CUL4A: variants seen among roughly 807,000 people sequenced by gnomAD.
The protein encoded by CUL4A is cullin-4A.
A neutral mutation model predicts 95.5 loss-of-function variants in CUL4A; 16 were observed. That is an observed-to-expected ratio of 0.17 (90% CI 0.11 to 0.25). The LOEUF (loss-of-function observed/expected upper bound fraction) is 0.25, where lower values mean the gene tolerates loss of function less well. Ranked by LOEUF, CUL4A falls within the 10% of genes least tolerant of loss-of-function variation. CUL4A has a pLI of 1.00. For missense variants in CUL4A, 610 were observed against 937.0 expected (o/e 0.65, Z 4.56); for synonymous variants, 380 against 353.1 (o/e 1.08, Z -0.85).
chr13:113,208,611 C>T (rs2040142160), upstream of CUL4A: 1 of 1,609,150 alleles, frequency 6.2e-7, no homozygotes, highest in Non-Finnish European at 8.5e-7. Context: ...GCTGCAGGTA[C>T]TGGTTAATGG....
Position 113,261,281 on chromosome 13 carries a change from C to T in CUL4A, c.2184+522C>T, listed in dbSNP as rs2042267673. On this transcript the variant is annotated intron_variant, in intron 19 of 19. Coordinates refer to ENST00000375440, the MANE Select transcript of CUL4A (RefSeq NM_001008895.4). ...GATAAGCCGGGAAAGTATTATGAAACGTTTTTTACATGTATTTATCAACCC... is the reference window on the plus strand; with the variant it reads ...GATAAGCCGGGAAAGTATTATGAAATGTTTTTTACATGTATTTATCAACCC... Among the ~76,000 whole-genome samples, 4 of 152,070 alleles carry T rather than the reference C, an allele frequency of 2.6e-5. No individual in the cohort carries two copies. The South Asian group carries it at 8.3e-4, about 31-fold the overall frequency.
chr13:113,232,201 C>T (rs1321452243), intron 5 of CUL4A, among the ~76,000 whole-genome samples: 3,816 of 6,476 alleles, frequency 0.59, 1,520 homozygotes, highest in Non-Finnish European at 0.79. Context: ...CACCACTACC[C>T]GCCCACCACC....
intron 2 of CUL4A, among the ~76,000 whole-genome samples, chr13:113,212,911 G>A (rs1310311701): frequency 1.3e-5 from 2 of 152,196 alleles, no homozygotes; most frequent in East Asian, 3.8e-4. Context: ...GGAGGAGTGA[G>A]TTGTGAAATC....
intron 3 of CUL4A, among the ~76,000 whole-genome samples, chr13:113,222,446 G>A (rs1382443573): frequency 1.3e-5 from 2 of 152,142 alleles, no homozygotes; most frequent in African/African-American, 4.8e-5. Flanking sequence ...CACGGATTGA[G>A]GCGGGGAGGG....
chr13:113,259,637 C>T (rs1417402550), intron 18 of CUL4A, among the ~76,000 whole-genome samples: 1 of 152,196 alleles, frequency 6.6e-6, no homozygotes, highest in Non-Finnish European at 1.5e-5. Context: ...ACAGTGCTCT[C>T]ACTTATATTC....
intron 7 of CUL4A, 84 bp from the exon 8 acceptor site, chr13:113,234,979 A>G (rs549769241): frequency 2.0e-6 from 2 of 1,000,438 alleles, no homozygotes; most frequent in South Asian, 3.1e-5. Flanking sequence ...AAAAAATTAC[A>G]TGTAAGGAAA....
At chr13:113,248,727 A>G (rs1298451340) in intron 15 of CUL4A, among the ~76,000 whole-genome samples, 1 of 152,130 alleles carries the variant, frequency 6.6e-6, no homozygotes, top group Non-Finnish European at 1.5e-5. Context: ...ACTCTCCCAT[A>G]TACTGTAAAT....
rs112197452 is a variant in CUL4A, at chr13:113,222,546, G to A, written c.368+3498G>A. 2.7e-5 allele frequency among the ~76,000 whole-genome samples: 4 copies of A among 150,524 alleles called. 1 individual carries two copies. The highest frequency in any genetic ancestry group is 9.8e-5 in the African/African-American group (4 of 40,936). On this transcript the variant is annotated intron_variant, in intron 3 of 19. Transcript: ENST00000375440. ...GTCATGTTGATTTGGAAGGAGGTGA[G>A]GAGGCACTCAGGTAGAGATGCCTGT...
intron 15 of CUL4A, among the ~76,000 whole-genome samples, chr13:113,251,685 A>G (rs1262087376): frequency 6.6e-6 from 1 of 152,112 alleles, no homozygotes; most frequent in Non-Finnish European, 1.5e-5. Context: ...TCATGTGAAG[A>G]CGTGCCTGCT....
chr13:113,215,926 C>T (rs28628776), intron 2 of CUL4A, among the ~76,000 whole-genome samples: 3 of 109,300 alleles, frequency 2.7e-5, no homozygotes, highest in Admixed American at 9.5e-5. Context: ...GTGGCTGTGG[C>T]GGTCTCTGTG....
chr13:113,248,417 G>T (rs2139254017), intron 15 of CUL4A, among the ~76,000 whole-genome samples: 1 of 152,160 alleles, frequency 6.6e-6, no homozygotes, highest in East Asian at 1.9e-4. Context: ...TCCCATATGT[G>T]GTCTGTGAGC....
intron 18 of CUL4A, among the ~76,000 whole-genome samples, chr13:113,256,925 C>CCTTTTTTTTTTTTTTT (rs1491171316): frequency 5.4e-5 from 2 of 37,276 alleles, no homozygotes; most frequent in African/African-American, 9.3e-5. Context: ...TTTTTTTTTT[C>CCTTTTTTTTTTTTTTT]GTTTTTTTTT....
At position 113,243,031 on chromosome 13, in the gene CUL4A, G is replaced by A. The variant is rs776240214; in HGVS notation, c.1099G>A (p.Asp367Asn). 2 of 1,614,184 alleles carry A rather than the reference G, an allele frequency of 1.2e-6. No individual in the cohort carries two copies. Among genetic ancestry groups the A allele is most frequent in the South Asian group, 2.2e-5 (2 of 91,082 alleles). Residue 367 changes from aspartate to asparagine, a missense_variant, in exon 11 of 20, where the codon GAC becomes AAC. Asp to Asn is a conservative substitution (Grantham distance 23). Transcript: ENST00000375440. ...CAAAGACATGGTCCAAGACCTGTTG[G>A]ACTTCAAGGACAAGGTGGACCACGT... ...KDKDMVQDLLDFKDKVDHVIE... is the reference protein window; with the variant it reads ...KDKDMVQDLLNFKDKVDHVIE...
intron 19 of CUL4A, 49 bp downstream of exon 19, chr13:113,260,808 T>A: frequency 7.5e-7 from 1 of 1,335,092 alleles, no homozygotes; most frequent in Non-Finnish European, 1.0e-6. Flanking sequence ...GCTAAACAAT[T>A]GACAAAGCAT....
At position 113,236,085 on chromosome 13, in the gene CUL4A, G is replaced by A. The variant is rs559397190; in HGVS notation, c.849-738G>A. On this transcript the variant is annotated intron_variant, in intron 8 of 19. Coordinates refer to ENST00000375440, the MANE Select transcript of CUL4A (RefSeq NM_001008895.4). ...GTAGGACTCAGCAGAGAAAACAGGA[G>A]GAGAGATGAAAATGATATGGTGTGC... 1.9e-4 allele frequency among the ~76,000 whole-genome samples: 29 copies of A among 152,248 alleles called. No individual in the cohort carries two copies. In the East Asian group the frequency reaches 4.1e-3, roughly 21 times the overall value.
chr13:113,248,313 C>T (rs1366626702), intron 15 of CUL4A, among the ~76,000 whole-genome samples: 2 of 152,084 alleles, frequency 1.3e-5, no homozygotes, highest in Admixed American at 1.3e-4. Flanking sequence ...GCCCTTCTTT[C>T]CACCCCCTTT....
Position 113,266,732 on chromosome 13 carries a change from CAG to C in CUL4A, c.*3152_*3153del, listed in dbSNP as rs1231650583. 1 of 152,184 alleles carries C rather than the reference CAG, an allele frequency of 6.6e-6. No individual in the cohort carries two copies. The highest frequency in any genetic ancestry group is 1.5e-5 in the Non-Finnish European group (1 of 68,040). The allele number at this position is 152,184 out of a possible 1,614,324, so 9.4% of individuals were successfully genotyped here. On this transcript the variant is annotated 3_prime_UTR_variant, in exon 20 of 20. Transcript: ENST00000375440. ...GAACTTTGCAACAACTACCCATGCT[CAG>C]AAGTTTGGGCCACCTTGAAAAGAGA...
chr13:113,263,784 T>C lies in CUL4A; in HGVS notation c.*202T>C, dbSNP rs569014697. 4.0e-5 allele frequency: 16 copies of C among 403,462 alleles called. No individual in the cohort carries two copies. Among genetic ancestry groups the C allele is most frequent in the Non-Finnish European group, 7.0e-5 (16 of 228,368 alleles). The allele number at this position is 403,462 out of a possible 1,614,324, so 25.0% of individuals were successfully genotyped here. Reference sequence around the variant, plus strand: ...ATCTTTTTCCCTCCAGTTTTTCCTCTAGTTCTTTTAGGCATTTAAATTGTT... The same window carrying C: ...ATCTTTTTCCCTCCAGTTTTTCCTCCAGTTCTTTTAGGCATTTAAATTGTT... On this transcript the variant is annotated 3_prime_UTR_variant, in exon 20 of 20. Transcript: ENST00000375440.
chr13:113,260,200 T>C (rs2042234139), intron 18 of CUL4A, among the ~76,000 whole-genome samples: 1 of 352 alleles, frequency 2.8e-3, no homozygotes. Context: ...TGAGACTCCG[T>C]CTCAAAAAAA....
Sources: allele counts gnomAD v4.1 joint callset (sites outside exome capture counted in the v4.1 genomes callset), GRCh38; gene constraint gnomAD v4.1.1; transcripts MANE v1.5; gene names NCBI Gene and HGNC (gene_info 2026-07-23, HGNC 2026-07-21).